The following WNK3 variants were observed in gnomAD, a reference collection of about 807,000 sequenced individuals.
WNK3 encodes the protein serine/threonine-protein kinase WNK3.
Under a neutral mutation model 116.7 loss-of-function variants are expected in WNK3, and 18 were observed. The observed-to-expected ratio is 0.15, with a 90% CI of 0.11 to 0.23. The LOEUF (loss-of-function observed/expected upper bound fraction) is 0.23. Ranked by LOEUF, WNK3 falls within the 10% of genes least tolerant of loss-of-function variation. WNK3 has a pLI of 1.00. For missense variants in WNK3, 993 were observed against 1,323.8 expected (o/e 0.75, Z 3.88); for synonymous variants, 404 against 469.4 (o/e 0.86, Z 1.80).
At chrX:54,273,949 A>G (rs965331431) in intron 10 of WNK3, among the ~76,000 whole-genome samples, 6 of 111,635 alleles carry the variant, frequency 5.4e-5, no homozygotes, top group African/African-American at 9.8e-5. Context: ...ACAAATCTAC[A>G]GGTAACAAAC....
At chrX:54,241,773 G>C (rs2068024026) in intron 17 of WNK3, among the ~76,000 whole-genome samples, 1 of 110,281 alleles carries the variant, frequency 9.1e-6, no homozygotes, top group Non-Finnish European at 1.9e-5. Flanking sequence ...GGTCAACATG[G>C]TGAAACCTCA....
chrX:54,209,840 C>T (rs950821974), intron 22 of WNK3, among the ~76,000 whole-genome samples: 3 of 110,799 alleles, frequency 2.7e-5, no homozygotes, highest in Non-Finnish European at 3.8e-5. Flanking sequence ...CATGAGCCAC[C>T]GCACCTGGCC....
chrX:54,272,498 T>C (rs2068395207), intron 10 of WNK3, among the ~76,000 whole-genome samples: 1 of 110,401 alleles, frequency 9.1e-6, no homozygotes, highest in Non-Finnish European at 1.9e-5. Context: ...AGGAAGGAAG[T>C]AAGGAAGGCA....
intron 10 of WNK3, among the ~76,000 whole-genome samples, chrX:54,276,424 C>T (rs551126581): frequency 1.8e-5 from 2 of 111,137 alleles, no homozygotes; most frequent in South Asian, 3.8e-4. Context: ...ACTTCAACAC[C>T]TCACTCTCAG....
intron 22 of WNK3, among the ~76,000 whole-genome samples, chrX:54,215,969 A>G (rs1557145172): frequency 9.0e-6 from 1 of 111,389 alleles, no homozygotes; most frequent in African/African-American, 3.3e-5. Flanking sequence ...CTGTTAATCT[A>G]TAATCTTACC....
chrX:54,334,225 C>A (rs2069205940), intron 1 of WNK3, among the ~76,000 whole-genome samples: 1 of 111,642 alleles, frequency 9.0e-6, no homozygotes, highest in Non-Finnish European at 1.9e-5. Context: ...ATATACATAT[C>A]GTCAAATTTA....
chrX:54,330,322 G>A (rs782804267), intron 2 of WNK3, among the ~76,000 whole-genome samples: 1 of 110,965 alleles, frequency 9.0e-6, no homozygotes, highest in Non-Finnish European at 1.9e-5. Context: ...GCAGTGAGCC[G>A]AGATTGTGCC....
chrX:54,324,900 G>A (rs1416016798), intron 2 of WNK3, among the ~76,000 whole-genome samples: 1 of 112,017 alleles, frequency 8.9e-6, no homozygotes, highest in Non-Finnish European at 1.9e-5. Context: ...AACTGTTTTC[G>A]TATCTAATTC....
intron 7 of WNK3, among the ~76,000 whole-genome samples, chrX:54,295,691 T>C (rs1489355231): frequency 9.0e-6 from 1 of 111,366 alleles, no homozygotes; most frequent in Non-Finnish European, 1.9e-5. Context: ...TCTATTTTAT[T>C]TGATTTGTTT....
intron 17 of WNK3, among the ~76,000 whole-genome samples, chrX:54,244,072 G>A (rs2068051148): frequency 8.9e-6 from 1 of 112,010 alleles, no homozygotes; most frequent in Admixed American, 9.5e-5. Context: ...CAAGGGGCAA[G>A]GGGGAAGGGA....
At chrX:54,214,773 G>A (rs2067662778) in intron 22 of WNK3, among the ~76,000 whole-genome samples, 1 of 111,336 alleles carries the variant, frequency 9.0e-6, no homozygotes, top group African/African-American at 3.3e-5. Context: ...AGCACTTTGG[G>A]AGGCTGAGGT....
At chrX:54,302,699 TTCTCTCTCTCTC>T (rs782673409) in intron 5 of WNK3, among the ~76,000 whole-genome samples, 48 of 23,338 alleles carry the variant, frequency 2.1e-3, no homozygotes, top group African/African-American at 7.5e-3. Context: ...AACATTCCAA[TTCTCTCTCTCTC>T]TCTCTCTCTC....
At chrX:54,284,799 C>T (rs1042195275) in intron 10 of WNK3, among the ~76,000 whole-genome samples, 1 of 110,332 alleles carries the variant, frequency 9.1e-6, no homozygotes, top group African/African-American at 3.3e-5. Flanking sequence ...GGAGAAACCC[C>T]GTCTCTACTA....
At chrX:54,298,632 G>A (rs1443623840) in intron 6 of WNK3, among the ~76,000 whole-genome samples, 1 of 111,703 alleles carries the variant, frequency 9.0e-6, no homozygotes, top group African/African-American at 3.2e-5. Flanking sequence ...CAACTAACAT[G>A]CATACGGAGT....
rs2068023977 is a variant in WNK3, at chrX:54,241,772, G to C, written c.3652-2673C>G. The stretch of plus-strand genomic sequence containing the variant: ...AGTTCCAGACCAGCCTGGTCAACAT[G>C]GTGAAACCTCATCTCTACCAAAAAT... On this transcript the variant is annotated intron_variant, in intron 17 of 23. Transcript: ENST00000354646. 9.1e-5 allele frequency among the ~76,000 whole-genome samples: 10 copies of C among 110,298 alleles called. No individual in the cohort carries two copies. The South Asian group carries it at 3.5e-3, about 39-fold the overall frequency.
chrX:54,329,136 C>T (rs1457330990), intron 2 of WNK3, among the ~76,000 whole-genome samples: 3 of 111,900 alleles, frequency 2.7e-5, no homozygotes, highest in Non-Finnish European at 3.8e-5. Context: ...ATTTCAAGTG[C>T]TTCCCAAACT....
chrX:54,324,438 A>C (rs1172940019), intron 2 of WNK3, among the ~76,000 whole-genome samples: 1 of 112,122 alleles, frequency 8.9e-6, no homozygotes, highest in Admixed American at 9.6e-5. Context: ...TCACTCAACT[A>C]ACTGGGGAAA....
intron 10 of WNK3, among the ~76,000 whole-genome samples, chrX:54,279,010 G>C (rs1557161704): frequency 3.6e-5 from 4 of 111,393 alleles, no homozygotes; most frequent in Non-Finnish European, 7.5e-5. Context: ...GGAGGTTGCA[G>C]TGAGCCAAGA....
chrX:54,318,708 A>C (rs1557171532), intron 2 of WNK3, among the ~76,000 whole-genome samples: 1 of 111,102 alleles, frequency 9.0e-6, no homozygotes, highest in Non-Finnish European at 1.9e-5. Flanking sequence ...CTTGAAAAAA[A>C]ATAAGGAACT....
Sources: allele counts gnomAD v4.1 joint callset (sites outside exome capture counted in the v4.1 genomes callset), GRCh38; gene constraint gnomAD v4.1.1; transcripts MANE v1.5; gene names NCBI Gene and HGNC (gene_info 2026-07-23, HGNC 2026-07-21).